Variants in AGBL3 observed in about 807,000 individuals in gnomAD.
AGBL3 encodes cytosolic carboxypeptidase 3.
Under a neutral mutation model 94.5 loss-of-function variants are expected in AGBL3, and 68 were observed. That is an observed-to-expected ratio of 0.72 (90% CI 0.59 to 0.88). The LOEUF (loss-of-function observed/expected upper bound fraction) is 0.88, where lower values mean the gene tolerates loss of function less well. AGBL3 is among the 40% of genes least tolerant of loss of function. The pLI, the probability that AGBL3 is intolerant of heterozygous loss-of-function variation, is 0.00. For missense variants in AGBL3, 934 were observed against 1,103.8 expected (o/e 0.85, Z 2.18); for synonymous variants, 354 against 370.7 (o/e 0.95, Z 0.52).
intron 15 of AGBL3, among the ~76,000 whole-genome samples, chr7:135,109,172 T>C (rs1344874436): frequency 6.6e-6 from 1 of 152,254 alleles, no homozygotes; most frequent in African/African-American, 2.4e-5. Flanking sequence ...ATATTCTGAA[T>C]TCTATTTCTG....
intron 16 of AGBL3, among the ~76,000 whole-genome samples, chr7:135,116,576 C>T (rs969653508): frequency 7.9e-5 from 12 of 152,282 alleles, no homozygotes; most frequent in African/African-American, 2.9e-4. Flanking sequence ...CTCGGCTCCC[C>T]ATTTGGTTTC....
intron 16 of AGBL3, among the ~76,000 whole-genome samples, chr7:135,123,636 C>T (rs1221158112): frequency 6.6e-6 from 1 of 152,056 alleles, no homozygotes; most frequent in Non-Finnish European, 1.5e-5. Flanking sequence ...TTAAGGGCAG[C>T]CAGAGAGAAA....
chr7:135,028,937 G>A (rs1815436680), intron 5 of AGBL3, among the ~76,000 whole-genome samples: 1 of 152,172 alleles, frequency 6.6e-6, no homozygotes. Flanking sequence ...CAGAACTCTT[G>A]GGTGACTAGA....
chr7:135,113,579 CA>C (rs1340102150), intron 15 of AGBL3, among the ~76,000 whole-genome samples: 4 of 152,140 alleles, frequency 2.6e-5, no homozygotes, highest in East Asian at 1.9e-4. Context: ...AATTATAGGA[CA>C]TTTTTTTAAA....
At position 135,135,282 on chromosome 7, in the gene AGBL3, A is replaced by G. The variant is rs1829294657; in HGVS notation, c.*21A>G. The G allele has an allele frequency of 6.8e-7, 1 of 1,462,518 alleles. No individual in the cohort carries two copies. The highest frequency in any genetic ancestry group is 2.5e-5 in the East Asian group (1 of 40,216). 90.6% of individuals were successfully genotyped at this position (1,462,518 alleles called of 1,614,324 possible). A position where few individuals can be genotyped will look rare whatever the true frequency, so the allele number is the denominator to read the frequency against. ...GTTAATCTAGCTTTATACTGCTCTG[A>G]GAACTGTGAATGAAGGATAACATAT... is the stretch of plus-strand genomic sequence containing the variant. On this transcript the variant is annotated 3_prime_UTR_variant, in exon 17 of 17. Transcript: ENST00000436302.
chr7:135,122,922 C>T (rs1048219015), intron 16 of AGBL3, among the ~76,000 whole-genome samples: 2 of 152,178 alleles, frequency 1.3e-5, no homozygotes, highest in Admixed American at 1.3e-4. Context: ...ACTAGACAAA[C>T]TCATGAAGAT....
At chr7:135,094,375 T>A (rs911784965) in intron 15 of AGBL3, 2 of 456,684 alleles carry the variant, frequency 4.4e-6, no homozygotes, top group Non-Finnish European at 4.4e-6. Context: ...TGAGATCTGC[T>A]TGTCTGAGGC....
rs762432325 is a variant in AGBL3, at chr7:135,135,359, A to G, written c.*98A>G. ...AAAGCCCTCCCCTTCCCCTTTCCCT[A>G]TCTCTCCCCTTACACATGCATATGC... is the stretch of plus-strand genomic sequence containing the variant. On this transcript the variant is annotated 3_prime_UTR_variant, in exon 17 of 17. Coordinates refer to ENST00000436302, the MANE Select transcript of AGBL3 (RefSeq NM_178563.4). 8.8e-6 allele frequency: 10 copies of G among 1,138,066 alleles called. No homozygotes were observed. The Admixed American group carries it at 1.9e-4, about 22-fold the overall frequency. The allele number at this position is 1,138,066 out of a possible 1,614,324, so 70.5% of individuals were successfully genotyped here. A position where few individuals can be genotyped will look rare whatever the true frequency, so the allele number is the denominator to read the frequency against.
At chr7:135,093,071 C>A (rs1162721034) in intron 15 of AGBL3, 1 of 151,376 alleles carries the variant, frequency 6.6e-6, no homozygotes, top group Non-Finnish European at 1.5e-5. Flanking sequence ...AATCCTGCAG[C>A]TAATGTCATA....
intron 15 of AGBL3, 58 bp from the exon 16 acceptor site, chr7:135,115,322 A>G (rs903418050): frequency 1.7e-6 from 2 of 1,149,308 alleles, no homozygotes; most frequent in African/African-American, 3.1e-5. Context: ...ATAATGCCCA[A>G]TAAGTAATTG....
At chr7:135,017,211 T>G (rs1246316926) in intron 5 of AGBL3, 52 bp downstream of exon 5, 1 of 1,244,848 alleles carries the variant, frequency 8.0e-7, no homozygotes, top group Admixed American at 2.0e-5. Flanking sequence ...GTACTTAGGT[T>G]AATCTCTTAA....
At chr7:135,005,287 T>C (rs1033062855) in intron 4 of AGBL3, among the ~76,000 whole-genome samples, 6 of 151,794 alleles carry the variant, frequency 4.0e-5, no homozygotes, top group African/African-American at 1.4e-4. Flanking sequence ...ATTGTATCAA[T>C]GAATTTTAAC....
chr7:135,033,357 A>C (rs1176978085), intron 6 of AGBL3, among the ~76,000 whole-genome samples: 1 of 152,212 alleles, frequency 6.6e-6, no homozygotes, highest in Non-Finnish European at 1.5e-5. Context: ...ACTTAAGTAC[A>C]GAGAATAGTA....
At chr7:135,068,539 G>T (rs1211396725) in intron 12 of AGBL3, among the ~76,000 whole-genome samples, 1 of 152,048 alleles carries the variant, frequency 6.6e-6, no homozygotes, top group Non-Finnish European at 1.5e-5. Flanking sequence ...CTGATCTCTC[G>T]GCAGAAACTC....
At position 135,119,853 on chromosome 7, in the gene AGBL3, G is replaced by C. The variant is rs184047910; in HGVS notation, c.2342+4242G>C. 2.5e-3 allele frequency among the ~76,000 whole-genome samples: 386 copies of C among 152,224 alleles called. 1 individual carries two copies. Among genetic ancestry groups the C allele is most frequent in the African/African-American group, 8.7e-3 (361 of 41,538 alleles). On this transcript the variant is annotated intron_variant, in intron 16 of 16. Coordinates refer to ENST00000436302, the MANE Select transcript of AGBL3 (RefSeq NM_178563.4). Reference sequence around the variant, plus strand: ...GATCGTGCCACTGCACTCCAGCCTGGGTGACAGAGCGAGACTCCGTCTCAA... The same window carrying C: ...GATCGTGCCACTGCACTCCAGCCTGCGTGACAGAGCGAGACTCCGTCTCAA...
At chr7:135,008,102 C>T (rs1474706941) in intron 4 of AGBL3, among the ~76,000 whole-genome samples, 1 of 151,790 alleles carries the variant, frequency 6.6e-6, no homozygotes, top group Non-Finnish European at 1.5e-5. Flanking sequence ...ATTAGAATAC[C>T]AGTGGGTTGC....
In AGBL3 at chr7:135,076,137, T is replaced by C. The variant is rs375651629; in HGVS notation, c.1909-260T>C. 4.5e-4 allele frequency among the ~76,000 whole-genome samples: 68 copies of C among 152,316 alleles called. No individual in the cohort carries two copies. In the South Asian group the frequency reaches 0.014, roughly 32 times the overall value. ...GGCCTCTCCAGCTTTAAAGCGAGAA[T>C]ATATGAAGCAAAAAGAAAACCCAGT... is the stretch of plus-strand genomic sequence containing the variant. On this transcript the variant is annotated intron_variant, in intron 12 of 16. Transcript: ENST00000436302.
chr7:135,014,260 A>C (rs1456673935), intron 4 of AGBL3, among the ~76,000 whole-genome samples: 1 of 150,106 alleles, frequency 6.7e-6, no homozygotes, highest in African/African-American at 2.4e-5. Context: ...CTGCATAATG[A>C]GATTGTGGAT....
intron 15 of AGBL3, among the ~76,000 whole-genome samples, chr7:135,098,119 G>C (rs919406906): frequency 2.0e-5 from 3 of 152,134 alleles, no homozygotes; most frequent in African/African-American, 7.2e-5. Context: ...TAGGTCTACA[G>C]ATACAAAGTG....
Sources: allele counts gnomAD v4.1 joint callset (sites outside exome capture counted in the v4.1 genomes callset), GRCh38; gene constraint gnomAD v4.1.1; transcripts MANE v1.5; gene names NCBI Gene and HGNC (gene_info 2026-07-23, HGNC 2026-07-21).